Variants in ZNF385D observed in about 807,000 individuals in gnomAD.
The protein encoded by ZNF385D is zinc finger protein 659.
ZNF385D carries 15 observed loss-of-function variants against 35.8 expected under a neutral mutation model. The observed-to-expected ratio is 0.42, with a 90% CI of 0.28 to 0.64. The LOEUF (loss-of-function observed/expected upper bound fraction) is 0.64, where lower values mean the gene tolerates loss of function less well. ZNF385D is among the 30% of genes least tolerant of loss of function. The pLI is 0.23. For missense variants in ZNF385D, 474 were observed against 494.6 expected, an observed-to-expected ratio of 0.96 and a Z score of 0.39; for synonymous variants, 212 against 186.8, an observed-to-expected ratio of 1.13 and a Z score of -1.10.
intron 1 of ZNF385D, among the ~76,000 whole-genome samples, chr3:21,703,131 G>A (rs1272643488): frequency 6.6e-6 from 1 of 152,132 alleles, no homozygotes; most frequent in Non-Finnish European, 1.5e-5. Flanking sequence ...CAGAGACCAG[G>A]AAGAAAAAGA....
chr3:21,867,599 C>T (rs544259341), intron 3 of ZNF385D, among the ~76,000 whole-genome samples: 3 of 152,130 alleles, frequency 2.0e-5, no homozygotes, highest in Non-Finnish European at 2.9e-5. Context: ...GTTTACATTT[C>T]TAGTTTTTAA....
chr3:21,926,487 G>A lies in ZNF385D; in HGVS notation c.325+242330C>T, dbSNP rs190106657. Among the ~76,000 whole-genome samples, 40 of 152,234 alleles carry A rather than the reference G, an allele frequency of 2.6e-4. 2 individuals are homozygous for A. The East Asian group carries it at 7.7e-3, about 29-fold the overall frequency. ...ACTCATCCTTTTTTATGGCTGCATA[G>A]TATTCCATGGTGTATATGTGCCACA... On this transcript the variant is annotated intron_variant, in intron 3 of 5. Transcript: ENST00000494108.
chr3:21,913,169 A>G (rs1189637945), intron 3 of ZNF385D, among the ~76,000 whole-genome samples: 1 of 152,066 alleles, frequency 6.6e-6, no homozygotes, highest in Non-Finnish European at 1.5e-5. Flanking sequence ...CAACAGGAGA[A>G]TGAATCCTTG....
intron 3 of ZNF385D, among the ~76,000 whole-genome samples, chr3:21,914,530 C>T (rs903370914): frequency 6.6e-6 from 1 of 151,772 alleles, no homozygotes; most frequent in East Asian, 1.9e-4. Flanking sequence ...AAAATTCAGT[C>T]CCTAGATGAG....
chr3:22,030,256 CAT>C (rs71044967), intron 3 of ZNF385D, among the ~76,000 whole-genome samples: 1,184 of 21,522 alleles, frequency 0.055, 20 homozygotes, highest in Non-Finnish European at 0.075. Flanking sequence ...TAAACTCATT[CAT>C]ATATATATAT....
At chr3:22,277,581 A>G (rs1192709603) in intron 2 of ZNF385D, among the ~76,000 whole-genome samples, 1 of 152,148 alleles carries the variant, frequency 6.6e-6, no homozygotes. Flanking sequence ...ATGCTATTAT[A>G]AGACTCTAGA....
chr3:22,191,484 T>C (rs1696025092), intron 2 of ZNF385D, among the ~76,000 whole-genome samples: 1 of 139,760 alleles, frequency 7.2e-6, no homozygotes, highest in Non-Finnish European at 1.5e-5. Flanking sequence ...TGAAACTCCA[T>C]CTAAGAAAAA....
intron 4 of ZNF385D, among the ~76,000 whole-genome samples, chr3:21,446,851 C>A (rs1702184898): frequency 6.6e-6 from 1 of 152,062 alleles, no homozygotes; most frequent in South Asian, 2.1e-4. Context: ...AGGATAGAGA[C>A]ACATTCTGAT....
intron 3 of ZNF385D, among the ~76,000 whole-genome samples, chr3:22,144,095 GA>G (rs1704694330): frequency 6.6e-6 from 1 of 152,040 alleles, no homozygotes; most frequent in Non-Finnish European, 1.5e-5. Context: ...AAGAATGTGG[GA>G]AAAATATTTG....
At chr3:22,021,691 G>C (rs1039514746) in intron 3 of ZNF385D, among the ~76,000 whole-genome samples, 6 of 151,960 alleles carry the variant, frequency 3.9e-5, no homozygotes, top group African/African-American at 1.4e-4. Context: ...ATCAACTAGG[G>C]GTACTTAAAA....
chr3:22,167,974 T>G (rs1448316163), intron 3 of ZNF385D, among the ~76,000 whole-genome samples: 1 of 152,224 alleles, frequency 6.6e-6, no homozygotes, highest in Non-Finnish European at 1.5e-5. Context: ...TTATTTTTCT[T>G]CTCATCATTT....
At chr3:21,601,400 T>G (rs1273116777) in intron 2 of ZNF385D, among the ~76,000 whole-genome samples, 1 of 152,186 alleles carries the variant, frequency 6.6e-6, no homozygotes, top group Admixed American at 6.5e-5. Context: ...TTCCAATTGA[T>G]TAGCACAAAG....
At chr3:21,835,161 T>C (rs923615694) in intron 3 of ZNF385D, among the ~76,000 whole-genome samples, 5 of 152,010 alleles carry the variant, frequency 3.3e-5, no homozygotes, top group African/African-American at 7.2e-5. Context: ...CTAAAGGTAC[T>C]ATCATATGTG....
At chr3:21,850,188 A>C (rs1000500422) in intron 3 of ZNF385D, among the ~76,000 whole-genome samples, 3 of 152,108 alleles carry the variant, frequency 2.0e-5, no homozygotes, top group African/African-American at 7.2e-5. Context: ...TCACTTTATC[A>C]AACATTTGCA....
At chr3:22,266,273 CG>C (rs1700890064) in intron 2 of ZNF385D, among the ~76,000 whole-genome samples, 1 of 151,896 alleles carries the variant, frequency 6.6e-6, no homozygotes, top group South Asian at 2.1e-4. Flanking sequence ...AAAGTCATGC[CG>C]ACTGGTAGAA....
chr3:22,149,533 G>A (rs896357704), intron 3 of ZNF385D, among the ~76,000 whole-genome samples: 6 of 152,120 alleles, frequency 3.9e-5, no homozygotes, highest in Non-Finnish European at 8.8e-5. Flanking sequence ...ATATATTTGG[G>A]GTAGGCCCCA....
At chr3:22,099,030 T>C (rs539456117) in intron 3 of ZNF385D, among the ~76,000 whole-genome samples, 1 of 152,172 alleles carries the variant, frequency 6.6e-6, no homozygotes, top group South Asian at 2.1e-4. Flanking sequence ...GGGATTTCTG[T>C]AATGAGGAAA....
At chr3:21,467,202 T>G (rs1042749609) in intron 4 of ZNF385D, among the ~76,000 whole-genome samples, 3 of 152,234 alleles carry the variant, frequency 2.0e-5, no homozygotes, top group African/African-American at 7.2e-5. Flanking sequence ...TTACATTTAC[T>G]TTCCTATTGC....
chr3:21,782,966 A>C (rs909301572), intron 3 of ZNF385D, among the ~76,000 whole-genome samples: 1 of 152,154 alleles, frequency 6.6e-6, no homozygotes, highest in Non-Finnish European at 1.5e-5. Context: ...AACTCGAAGA[A>C]GCTAACTATT....
Sources: gnomAD v4.1 joint callset for allele counts (sites outside exome capture counted in the v4.1 genomes callset) on GRCh38, gnomAD v4.1.1 for gene constraint, MANE v1.5 for transcripts, NCBI Gene and HGNC (gene_info 2026-07-23, HGNC 2026-07-21) for gene names.